SAMD5: variants seen among roughly 807,000 people sequenced by gnomAD.
SAMD5 encodes the protein sterile alpha motif domain-containing protein 5.
In SAMD5, 13 loss-of-function variants were observed where a neutral mutation model predicts 11.3. The ratio of observed to expected loss-of-function variants is 1.15; its 90% CI spans 0.75 to 1.83. SAMD5 has a LOEUF of 1.83. Ranked by LOEUF, SAMD5 falls within the 40% of genes most tolerant of loss-of-function variation. SAMD5 has a pLI of 0.00. For missense variants in SAMD5, 255 were observed against 239.1 expected, an observed-to-expected ratio of 1.07 and a Z score of -0.44; for synonymous variants, 129 against 111.3, an observed-to-expected ratio of 1.16 and a Z score of -1.00.
the SAMD5 span, among the ~76,000 whole-genome samples, chr6:147,795,724 C>G: frequency 5.1e-3 from 754 of 148,624 alleles, 6 homozygotes; most frequent in African/African-American, 0.017. Context: ...CTCTCCAGCA[C>G]CTGTTGTTTC....
intron 1 of SAMD5, among the ~76,000 whole-genome samples, chr6:147,595,634 C>G (rs1056352085): frequency 2.7e-5 from 4 of 146,216 alleles, no homozygotes; most frequent in Admixed American, 7.1e-5. Flanking sequence ...TCAAAAGATT[C>G]TCCTGCCTCA....
At chr6:147,822,212 G>A in the SAMD5 span, among the ~76,000 whole-genome samples, 2 of 152,274 alleles carry the variant, frequency 1.3e-5, no homozygotes, top group South Asian at 4.1e-4. Context: ...GTCCAAACTG[G>A]TGTAATTCTT....
In SAMD5 at chr6:147,509,102, C is replaced by G; in HGVS notation, c.174C>G (p.Ala58=). Residue 58 remains alanine (A), a synonymous_variant, in exon 1 of 2, where the codon GCC becomes GCG. Transcript: ENST00000367474. ...CGCACCGCCGCCGTATCCTGGAGGC[C>G]GTGCGCCGGCTGCGGGAGCAGGACG... is the stretch of plus-strand genomic sequence containing the variant. ...APAHRRRILE[A]VRRLREQDAN... is the part of the protein sequence containing the mutation. The G allele has an allele frequency of 4.4e-6, 7 of 1,587,848 alleles. No homozygotes were observed. Among genetic ancestry groups the G allele is most frequent in the Non-Finnish European group, 6.0e-6 (7 of 1,168,872 alleles).
intron 1 of SAMD5, among the ~76,000 whole-genome samples, chr6:147,628,921 G>A (rs1431465894): frequency 6.6e-6 from 1 of 152,126 alleles, no homozygotes; most frequent in Non-Finnish European, 1.5e-5. Flanking sequence ...CCAGTGGAAT[G>A]TCACAGATCT....
In SAMD5 at chr6:147,565,752, A is replaced by G. The variant is rs920372983; in HGVS notation, c.*1296A>G. 3 of 984,798 alleles carry G rather than the reference A, an allele frequency of 3.0e-6. No homozygotes were observed. Among genetic ancestry groups the G allele is most frequent in the African/African-American group, 3.5e-5 (2 of 57,120 alleles). 61.0% of individuals were successfully genotyped at this position (984,798 alleles called of 1,614,324 possible). On this transcript the variant is annotated 3_prime_UTR_variant, in exon 2 of 2. Coordinates refer to ENST00000367474, the MANE Select transcript of SAMD5 (RefSeq NM_001030060.3). ...TGGGATTACAGGCGTGAGCCATCAC[A>G]CCCGGCCTGGATGCTGGTAGTTTTA... is the stretch of plus-strand genomic sequence containing the variant.
intron 1 of SAMD5, among the ~76,000 whole-genome samples, chr6:147,548,448 TA>T (rs1355844363): frequency 1.3e-5 from 2 of 152,198 alleles, no homozygotes; most frequent in African/African-American, 2.4e-5. Context: ...AATACAGAAT[TA>T]TGTGTTCCCT....
chr6:147,868,761 C>T, the SAMD5 span, among the ~76,000 whole-genome samples: 1 of 152,176 alleles, frequency 6.6e-6, no homozygotes, highest in East Asian at 1.9e-4. Context: ...TCCCTGGTTT[C>T]CTGAGATAGG....
the SAMD5 span, among the ~76,000 whole-genome samples, chr6:147,787,322 A>G: frequency 1.3e-5 from 2 of 152,210 alleles, no homozygotes; most frequent in Non-Finnish European, 2.9e-5. Flanking sequence ...CAAAGTCCTC[A>G]AAGTGTATTT....
At chr6:147,598,338 G>A (rs1224271959) in intron 1 of SAMD5, among the ~76,000 whole-genome samples, 1 of 151,920 alleles carries the variant, frequency 6.6e-6, no homozygotes, top group Non-Finnish European at 1.5e-5. Flanking sequence ...TTTCCCAGCT[G>A]GTCTCCAACT....
chr6:147,537,511 G>A (rs186628715), intron 1 of SAMD5, among the ~76,000 whole-genome samples: 340 of 152,240 alleles, frequency 2.2e-3, no homozygotes, highest in African/African-American at 7.8e-3. Flanking sequence ...CCAGCACTTT[G>A]GGAGGCCGAG....
the SAMD5 span, among the ~76,000 whole-genome samples, chr6:147,796,533 T>C: frequency 1.3e-5 from 2 of 152,210 alleles, no homozygotes; most frequent in African/African-American, 2.4e-5. Flanking sequence ...TGGCTTAGGA[T>C]TGACTTGGCG....
intron 1 of SAMD5, among the ~76,000 whole-genome samples, chr6:147,687,525 G>A (rs865843507): frequency 1.3e-5 from 2 of 151,954 alleles, no homozygotes; most frequent in South Asian, 2.1e-4. Flanking sequence ...GCCCACATTG[G>A]CCTCCCAAAG....
At chr6:147,847,942 G>A in the SAMD5 span, among the ~76,000 whole-genome samples, 1 of 152,174 alleles carries the variant, frequency 6.6e-6, no homozygotes, top group African/African-American at 2.4e-5. Context: ...GCAGGATATG[G>A]CATTGTCCAT....
chr6:147,930,185 A>G, the SAMD5 span, among the ~76,000 whole-genome samples: 1 of 152,154 alleles, frequency 6.6e-6, no homozygotes, highest in Non-Finnish European at 1.5e-5. Flanking sequence ...CCAGTTCCCA[A>G]TAAGTTCCTC....
chr6:147,570,415 T>C (rs987408219), downstream of SAMD5, among the ~76,000 whole-genome samples: 1 of 152,178 alleles, frequency 6.6e-6, no homozygotes, highest in African/African-American at 2.4e-5. Context: ...CTCTATCACC[T>C]GAAATGTGTT....
intron 1 of SAMD5, among the ~76,000 whole-genome samples, chr6:147,519,148 T>C (rs1788215058): frequency 6.6e-6 from 1 of 152,252 alleles, no homozygotes; most frequent in Non-Finnish European, 1.5e-5. Context: ...TGGTATGTAT[T>C]CTTTATTTAG....
chr6:147,908,737 G>A, the SAMD5 span, among the ~76,000 whole-genome samples: 3,026 of 152,286 alleles, frequency 0.02, 103 homozygotes, highest in African/African-American at 0.068. Flanking sequence ...GAAAGAGATC[G>A]TTGTCAGGAA....
At chr6:147,936,418 TAGTG>T in the SAMD5 span, among the ~76,000 whole-genome samples, 6 of 146,998 alleles carry the variant, frequency 4.1e-5, no homozygotes, top group Admixed American at 6.9e-5. Flanking sequence ...GCACATCACA[TAGTG>T]AGAGCAGGAG....
At chr6:147,784,156 G>C in the SAMD5 span, among the ~76,000 whole-genome samples, 1 of 151,998 alleles carries the variant, frequency 6.6e-6, no homozygotes. Context: ...TTATTTTAAA[G>C]GTATTTCCAC....
Sources: gnomAD v4.1 joint callset for allele counts (sites outside exome capture counted in the v4.1 genomes callset) on GRCh38, gnomAD v4.1.1 for gene constraint, MANE v1.5 for transcripts, NCBI Gene and HGNC (gene_info 2026-07-23, HGNC 2026-07-21) for gene names.